NTRK1: variants seen among roughly 807,000 people sequenced by gnomAD.
The protein encoded by NTRK1 is neurotrophic receptor tyrosine kinase 1, also known as high affinity nerve growth factor receptor.
Under a neutral mutation model 86.8 loss-of-function variants are expected in NTRK1, and 62 were observed. The observed-to-expected ratio is 0.71, with a 90% confidence interval of 0.58 to 0.88. The LOEUF is 0.88. Ranked by LOEUF, NTRK1 falls within the 40% of genes least tolerant of loss-of-function variation. NTRK1 has a pLI of 0.00. For missense variants in NTRK1, 967 were observed against 1,078.4 expected (o/e 0.90, Z 1.45); for synonymous variants, 469 against 456.6 (o/e 1.03, Z -0.35).
At chr1:156,842,717 G>T (rs1056697560) in intron 2 of NTRK1, among the ~76,000 whole-genome samples, 3 of 152,066 alleles carry the variant, frequency 2.0e-5, no homozygotes, top group Non-Finnish European at 2.9e-5. Context: ...TCACGAACTT[G>T]GTCCAACTTT....
chr1:156,851,284 C>T (rs1655194932), intron 2 of NTRK1: 1 of 1,614,020 alleles, frequency 6.2e-7, no homozygotes, highest in African/African-American at 1.3e-5. Flanking sequence ...GAGGCCTAAC[C>T]CTTACCCATC....
rs1057522593 is a variant in NTRK1 at position 156,860,891 on chromosome 1, C to T, written c.-44C>T. ...GAGGCCTGGCAGCTGCAGCTGGGAG[C>T]GCACAGACGGCTGCCCCGCCTGAGC... On this transcript the variant is annotated 5_prime_UTR_variant, in exon 1 of 17. Coordinates refer to ENST00000524377, the MANE Select transcript of NTRK1 (RefSeq NM_002529.4). 1.5e-5 allele frequency: 21 copies of T among 1,403,428 alleles called. No homozygotes were observed. The East Asian group carries it at 2.0e-4, about 14-fold the overall frequency. The allele number at this position is 1,403,428 out of a possible 1,614,324, so 86.9% of individuals were successfully genotyped here. A position where few individuals can be genotyped will look rare whatever the true frequency, so the allele number is the denominator to read the frequency against.
Position 156,876,389 on chromosome 1 carries a change from C to T in NTRK1, c.1633-11C>T, listed in dbSNP as rs2102918978. The stretch of plus-strand genomic sequence containing the variant: ...CCCCAACTCAGTCCTGTCCCTGCCG[C>T]TTCCATCCAGGCACTGAAGGAGGCG... On this transcript the variant is annotated splice_polypyrimidine_tract_variant and intron_variant, in intron 13 of 16. Transcript: ENST00000524377. The T allele has an allele frequency of 6.2e-7, 1 of 1,613,650 alleles. No individual in the cohort carries two copies. Among genetic ancestry groups the T allele is most frequent in the South Asian group, 1.1e-5 (1 of 91,078 alleles).
At position 156,864,629 on chromosome 1, in the gene NTRK1, G is replaced by C. The variant is rs1036386893; in HGVS notation, c.288-99G>C. 9 of 1,336,858 alleles carry C rather than the reference G, an allele frequency of 6.7e-6. No homozygotes were observed. The Admixed American group carries it at 1.5e-4, about 22-fold the overall frequency. The allele number at this position is 1,336,858 out of a possible 1,614,324, so 82.8% of individuals were successfully genotyped here. A position where few individuals can be genotyped will look rare whatever the true frequency, so the allele number is the denominator to read the frequency against. ...AATGAGGGGCCTGAGGAGGGGTAGG[G>C]GTTCAGCACAGGGGACTGGGAGGCT... On this transcript the variant is annotated intron_variant, in intron 2 of 16. Transcript: ENST00000524377.
intron 1 of NTRK1, among the ~76,000 whole-genome samples, chr1:156,823,191 A>G (rs1434279189): frequency 6.6e-6 from 1 of 152,196 alleles, no homozygotes; most frequent in Non-Finnish European, 1.5e-5. Context: ...GAGAGGAGCC[A>G]TTTCTGATTC....
chr1:156,817,537 A>T lies in NTRK1; in HGVS notation c.-64+1699A>T, dbSNP rs546090994. Among the ~76,000 whole-genome samples, 325 of 152,162 alleles carry T rather than the reference A, an allele frequency of 2.1e-3. 5 individuals are homozygous for T. Among genetic ancestry groups the T allele is most frequent in the African/African-American group, 7.7e-3 (319 of 41,518 alleles). On this transcript the variant is annotated intron_variant, in intron 1 of 16. Transcript: ENST00000392302. ...AGATAATGGAGCTGAGTTAGGGCAA[A>T]ACCAGGCAATATTGGAGGAAGGAAA... is the stretch of plus-strand genomic sequence containing the variant.
intron 1 of NTRK1, among the ~76,000 whole-genome samples, chr1:156,862,247 G>A (rs775871805): frequency 5.3e-5 from 8 of 152,162 alleles, no homozygotes; most frequent in Non-Finnish European, 1.2e-4. Flanking sequence ...TAACGGGAAG[G>A]CACTCAATCT....
Position 156,874,888 on chromosome 1 carries a change from A to G in NTRK1, c.1252-18A>G, listed in dbSNP as rs1571697578. 2 of 1,575,550 alleles carry G rather than the reference A, an allele frequency of 1.3e-6. No individual in the cohort carries two copies. The highest frequency in any genetic ancestry group is 1.7e-6 in the Non-Finnish European group (2 of 1,148,602). ...ACAGGAGGAGCCCCTGGATCTAACTACCCCTGTCCCCCACCAGGTCTCGGT... is the reference window on the plus strand; with the variant it reads ...ACAGGAGGAGCCCCTGGATCTAACTGCCCCTGTCCCCCACCAGGTCTCGGT... On this transcript the variant is annotated intron_variant, in intron 10 of 16. Coordinates refer to ENST00000524377, the MANE Select transcript of NTRK1 (RefSeq NM_002529.4).
intron 1 of NTRK1, chr1:156,841,622 C>T (rs370465263): frequency 4.2e-5 from 67 of 1,609,722 alleles, no homozygotes; most frequent in Non-Finnish European, 5.1e-5. Context: ...CCCCAGATCC[C>T]GCCTCCACAT....
At chr1:156,816,951 A>T (rs2102827508) in intron 1 of NTRK1, 1 of 367,922 alleles carries the variant, frequency 2.7e-6, no homozygotes. Flanking sequence ...TATCTGTGTC[A>T]CTCTGTGTTT....
At chr1:156,824,656 C>T (rs1176253085) in intron 1 of NTRK1, among the ~76,000 whole-genome samples, 2 of 152,134 alleles carry the variant, frequency 1.3e-5, no homozygotes, top group African/African-American at 2.4e-5. Context: ...CAAGAGCATA[C>T]TAAAACTATT....
intron 1 of NTRK1, chr1:156,841,722 C>T (rs139192917): frequency 9.0e-5 from 146 of 1,614,040 alleles, no homozygotes; most frequent in Middle Eastern, 1.6e-4. Flanking sequence ...GGCCATCCAG[C>T]GCACGGGCAG....
chr1:156,867,215 T>C (rs1655980372), intron 4 of NTRK1, among the ~76,000 whole-genome samples: 1 of 152,242 alleles, frequency 6.6e-6, no homozygotes, highest in African/African-American at 2.4e-5. Flanking sequence ...TGGGCCTGGC[T>C]GAGCAGATTA....
intron 8 of NTRK1, 39 bp downstream of exon 8, chr1:156,873,998 C>A: frequency 6.5e-7 from 1 of 1,541,056 alleles, no homozygotes; most frequent in South Asian, 1.2e-5. Context: ...CACTCCTGGG[C>A]TCCTCCTGGG....
chr1:156,822,679 G>A lies in NTRK1; in HGVS notation c.-64+6841G>A, dbSNP rs188802755. 1.1e-4 allele frequency among the ~76,000 whole-genome samples: 17 copies of A among 147,938 alleles called. No individual in the cohort carries two copies. In the East Asian group the frequency reaches 2.2e-3, roughly 19 times the overall value. On this transcript the variant is annotated intron_variant, in intron 1 of 16. Transcript: ENST00000392302. ...AGTCCAGAGGCTCTAATTGATATTC[G>A]TCATTTCCCTCCTCCATTCCAGATT...
At chr1:156,863,818 T>A (rs2102884139) in intron 1 of NTRK1, among the ~76,000 whole-genome samples, 1 of 152,296 alleles carries the variant, frequency 6.6e-6, no homozygotes, top group Admixed American at 6.5e-5. Context: ...CTTGGCCTTT[T>A]GTGGTAGCAA....
intron 2 of NTRK1, chr1:156,844,363 G>A (rs1377460939): frequency 6.4e-7 from 1 of 1,553,560 alleles, no homozygotes; most frequent in Non-Finnish European, 8.8e-7. Flanking sequence ...CATGCTGGGA[G>A]GTGAGGATGG....
chr1:156,879,495 C>T (rs1445176094), intron 15 of NTRK1, 133 bp downstream of exon 15: 3 of 1,227,058 alleles, frequency 2.4e-6, no homozygotes, highest in East Asian at 4.7e-5. Context: ...GGTTTTCAAC[C>T]TACCTCCTCG....
At chr1:156,873,498 C>T (rs561352338) in intron 7 of NTRK1, 135 bp from the exon 8 acceptor site, 1 of 693,282 alleles carries the variant, frequency 1.4e-6, no homozygotes, top group Non-Finnish European at 2.6e-6. Context: ...TTTCCCAGGG[C>T]CTGCTGACCT....
Sources: gnomAD v4.1 joint callset for allele counts (sites outside exome capture counted in the v4.1 genomes callset) on GRCh38, gnomAD v4.1.1 for gene constraint, MANE v1.5 for transcripts, NCBI Gene and HGNC (gene_info 2026-07-23, HGNC 2026-07-21) for gene names.